Variants in TMEM117 observed in about 807,000 individuals in gnomAD.
TMEM117 encodes the protein transmembrane protein 117.
In TMEM117, 27 loss-of-function variants were observed where a neutral mutation model predicts 52.4. That is an observed-to-expected ratio of 0.51 (90% CI 0.38 to 0.71). TMEM117 has a LOEUF of 0.71. Among genes scored for constraint, TMEM117 ranks in the 30% least tolerant of loss-of-function variants. TMEM117 has a pLI of 0.00. For synonymous variants in TMEM117, 215 were observed against 206.3 expected (o/e 1.04, Z -0.36); for missense variants, 556 against 630.5 (o/e 0.88, Z 1.26).
At chr12:44,121,131 T>C (rs976519334) in intron 3 of TMEM117, among the ~76,000 whole-genome samples, 1 of 152,180 alleles carries the variant, frequency 6.6e-6, no homozygotes, top group Non-Finnish European at 1.5e-5. Context: ...TTATTCACTA[T>C]CATGATAACA....
chr12:44,095,933 G>A (rs1947752219), intron 3 of TMEM117, among the ~76,000 whole-genome samples: 1 of 152,150 alleles, frequency 6.6e-6, no homozygotes, highest in South Asian at 2.1e-4. Flanking sequence ...AATTGTCCCT[G>A]TTTGTAGACG....
intron 6 of TMEM117, among the ~76,000 whole-genome samples, chr12:44,336,737 A>G (rs953658635): frequency 1.3e-5 from 2 of 151,928 alleles, no homozygotes; most frequent in Non-Finnish European, 2.9e-5. Flanking sequence ...CTATATATGT[A>G]AAACATGGTA....
chr12:44,277,605 C>CTGAA (rs1950529762), intron 5 of TMEM117, among the ~76,000 whole-genome samples: 1 of 151,910 alleles, frequency 6.6e-6, no homozygotes, highest in South Asian at 2.1e-4. Context: ...ACTTATAGAA[C>CTGAA]TGAAGTCCCC....
At chr12:44,041,355 G>T (rs962853470) in intron 3 of TMEM117, among the ~76,000 whole-genome samples, 69 of 149,816 alleles carry the variant, frequency 4.6e-4, no homozygotes, top group African/African-American at 1.6e-3. Flanking sequence ...CCATTTAGCA[G>T]ATCAGCTATA....
chr12:43,943,693 T>G (rs1404405586), intron 2 of TMEM117, among the ~76,000 whole-genome samples: 3 of 152,232 alleles, frequency 2.0e-5, no homozygotes. Flanking sequence ...CTAAGCTGCA[T>G]GTTTTATAAC....
intron 2 of TMEM117, among the ~76,000 whole-genome samples, chr12:43,935,702 G>A (rs1944941172): frequency 6.6e-6 from 1 of 152,156 alleles, no homozygotes; most frequent in African/African-American, 2.4e-5. Context: ...CTTGGCAATG[G>A]CCATTTCTCC....
At chr12:44,062,282 G>A (rs1225786079) in intron 3 of TMEM117, among the ~76,000 whole-genome samples, 1 of 152,158 alleles carries the variant, frequency 6.6e-6, no homozygotes, top group Non-Finnish European at 1.5e-5. Flanking sequence ...TATTTAGGTA[G>A]GAAGAACTAG....
chr12:44,391,526 G>T (rs1236601386), downstream of TMEM117, among the ~76,000 whole-genome samples: 1 of 152,124 alleles, frequency 6.6e-6, no homozygotes. Flanking sequence ...ACCACTGGCT[G>T]ACAGTACAGT....
At chr12:44,145,525 G>C (rs1948630672) in intron 4 of TMEM117, among the ~76,000 whole-genome samples, 2 of 152,172 alleles carry the variant, frequency 1.3e-5, no homozygotes, top group South Asian at 4.1e-4. Context: ...CCTGTGATGT[G>C]ACTTAAAATG....
chr12:43,881,951 A>G (rs1045946258), intron 2 of TMEM117, among the ~76,000 whole-genome samples: 2 of 151,944 alleles, frequency 1.3e-5, no homozygotes, highest in Non-Finnish European at 2.9e-5. Flanking sequence ...AAGCGCCTGT[A>G]GTCCCAGCTA....
intron 2 of TMEM117, among the ~76,000 whole-genome samples, chr12:43,873,759 A>G (rs867834580): frequency 7.3e-5 from 11 of 151,670 alleles, no homozygotes; most frequent in African/African-American, 2.4e-4. Flanking sequence ...TCAAAATTTC[A>G]TTCTGAGAGC....
At chr12:44,217,888 A>G (rs1252455803) in intron 5 of TMEM117, among the ~76,000 whole-genome samples, 1 of 152,164 alleles carries the variant, frequency 6.6e-6, no homozygotes, top group East Asian at 1.9e-4. Flanking sequence ...AACAAGAAAC[A>G]TACACCCTGA....
At chr12:43,954,997 T>G (rs1226169789) in intron 3 of TMEM117, among the ~76,000 whole-genome samples, 2 of 152,094 alleles carry the variant, frequency 1.3e-5, no homozygotes, top group Non-Finnish European at 2.9e-5. Context: ...AAATCAATAA[T>G]GCAATTCACC....
Position 44,216,788 on chromosome 12 carries a change from T to A in TMEM117, c.608+5401T>A, listed in dbSNP as rs183719757. ...TGTGTATCTGTGTACAGCAGTTGTG[T>A]ACTCTGTTCCATCCTGGAACATAAA... On this transcript the variant is annotated intron_variant, in intron 5 of 7. Transcript: ENST00000266534. Among the ~76,000 whole-genome samples, 6 of 152,318 alleles carry A rather than the reference T, an allele frequency of 3.9e-5. No homozygotes were observed. The East Asian group carries it at 1.2e-3, about 29-fold the overall frequency.
intron 5 of TMEM117, among the ~76,000 whole-genome samples, chr12:44,237,445 C>T (rs896652169): frequency 1.3e-5 from 2 of 152,104 alleles, no homozygotes; most frequent in African/African-American, 2.4e-5. Flanking sequence ...ATAGGCCAGG[C>T]ATGGTGGCTC....
At chr12:44,365,688 T>C (rs1252173141) in intron 6 of TMEM117, among the ~76,000 whole-genome samples, 3 of 152,006 alleles carry the variant, frequency 2.0e-5, no homozygotes, top group African/African-American at 4.8e-5. Flanking sequence ...TCATGACAAA[T>C]GTTTGTTTGC....
rs200499574 is a variant in TMEM117 at position 43,840,079 on chromosome 12, AT to A, written c.-29+3894del. ...CTTTGCACAAAATAGAAGTACTGTG[AT>A]TTTTTTTTTTAATATCAGATGGCTT... is the stretch of plus-strand genomic sequence containing the variant. On this transcript the variant is annotated intron_variant, in intron 1 of 7. Transcript: ENST00000266534. 5.1e-4 allele frequency among the ~76,000 whole-genome samples: 76 copies of A among 148,750 alleles called. No individual in the cohort carries two copies. In the South Asian group the frequency reaches 8.9e-3, roughly 17 times the overall value.
chr12:44,073,928 T>C (rs1947341883), intron 3 of TMEM117: 1 of 152,206 alleles, frequency 6.6e-6, no homozygotes, highest in South Asian at 2.1e-4. Flanking sequence ...TCTTAATGAT[T>C]TTAGTACATG....
At chr12:43,865,083 C>T (rs1012840798) in intron 2 of TMEM117, among the ~76,000 whole-genome samples, 1 of 152,140 alleles carries the variant, frequency 6.6e-6, no homozygotes, top group East Asian at 1.9e-4. Context: ...ATCCGAACAT[C>T]AGAAGGAAAC....
Sources: allele counts gnomAD v4.1 joint callset (sites outside exome capture counted in the v4.1 genomes callset), GRCh38; gene constraint gnomAD v4.1.1; transcripts MANE v1.5; gene names NCBI Gene and HGNC (gene_info 2026-07-23, HGNC 2026-07-21).